The following CACNA1F variants were observed in gnomAD, a reference collection of about 807,000 sequenced individuals.
CACNA1F encodes voltage-dependent L-type calcium channel subunit alpha-1F.
A neutral mutation model predicts 143.8 loss-of-function variants in CACNA1F; 59 were observed. The ratio of observed to expected loss-of-function variants is 0.41; its 90% confidence interval spans 0.33 to 0.51. CACNA1F has a LOEUF of 0.51. Ranked by LOEUF, CACNA1F falls within the 20% of genes least tolerant of loss-of-function variation. The pLI, the probability that CACNA1F is intolerant of heterozygous loss-of-function variation, is 0.22. For synonymous variants in CACNA1F, 643 were observed against 649.1 expected (o/e 0.99, Z 0.14); for missense variants, 1,411 against 1,647.5 (o/e 0.86, Z 2.48).
Position 49,231,004 on chromosome X carries a change from G to T in CACNA1F, c.382-15C>A, listed in dbSNP as rs998869092. On this transcript the variant is annotated splice_polypyrimidine_tract_variant and intron_variant, in intron 3 of 47. Transcript: ENST00000323022. ...TCCACCTGCTCCTGGGGGTGGGACC[G>T]GGGGGCGGGTCGGGAAGTCGAGGAG... The T allele has an allele frequency of 8.8e-7, 1 of 1,131,272 alleles. No homozygotes were observed. The highest frequency in any genetic ancestry group is 1.8e-5 in the South Asian group (1 of 54,103). 93.2% of individuals were successfully genotyped at this position (1,131,272 alleles called of 1,213,427 possible). A position where few individuals can be genotyped will look rare whatever the true frequency, so the allele number is the denominator to read the frequency against.
intron 17 of CACNA1F, chrX:49,222,298 CTT>C: frequency 2.3e-6 from 1 of 426,245 alleles, no homozygotes; most frequent in South Asian, 3.8e-5. Context: ...GGCAAGGACT[CTT>C]GTCTGCCTTG....
In CACNA1F at chrX:49,230,579, G is replaced by A. The variant is rs1557111095; in HGVS notation, c.552C>T (p.Pro184=). 2.6e-6 allele frequency: 3 copies of A among 1,171,542 alleles called. No homozygotes were observed. In the South Asian group the frequency reaches 5.7e-5, roughly 22 times the overall value. ...TGTGCGGGGCGTCGCCTGGCCGTCC[G>A]GGGCCCTGCTCCAGCAGAACGCTGA... is the stretch of plus-strand genomic sequence containing the variant. The part of the protein sequence containing the change: ...GLFSVLLEQG[P]GRPGDAPHTG... The change falls in exon 5 of 48, where the codon CCC becomes CCT. Residue 184 remains proline (P), a synonymous_variant. Transcript: ENST00000323022.
intron 20 of CACNA1F, 23 bp from the exon 21 acceptor site, chrX:49,219,473 G>A (rs1297451469): frequency 2.5e-6 from 3 of 1,202,219 alleles, no homozygotes; most frequent in Non-Finnish European, 3.4e-6. Context: ...AGTGGGCCAT[G>A]GTCAGAACTC....
chrX:49,212,059 T>A, intron 34 of CACNA1F, 70 bp from the exon 35 acceptor site: 1 of 901,347 alleles, frequency 1.1e-6, no homozygotes, highest in Non-Finnish European at 1.6e-6. Flanking sequence ...TCCTAATACC[T>A]AAAGGAGCCT....
chrX:49,227,032 A>G lies in CACNA1F; in HGVS notation c.1214T>C (p.Leu405Pro). 1 of 1,210,610 alleles carries G rather than the reference A, an allele frequency of 8.3e-7. No homozygotes were observed. Among genetic ancestry groups the G allele is most frequent in the Non-Finnish European group, 1.1e-6 (1 of 894,594 alleles). Residue 405 changes from leucine to proline, a missense_variant, in exon 9 of 48, where the codon CTG (leucine) becomes CCG (proline). Coordinates refer to ENST00000323022, the MANE Select transcript of CACNA1F (RefSeq NM_001256789.3). ...CTCTTCGGCTTGAGTGATCCAGTCC[A>G]GGTAGCCCCGCAGGTCTTCCTCCAT... ...QQMEEDLRGY[L>P]DWITQAEELD...
At chrX:49,206,702 C>T in intron 45 of CACNA1F, 26 bp downstream of exon 45, 2 of 1,204,250 alleles carry the variant, frequency 1.7e-6, no homozygotes, top group Non-Finnish European at 2.2e-6. Flanking sequence ...CCCGTGGGGG[C>T]CCCTTGGATC....
At chrX:49,219,528 C>T (rs2065754332) in intron 20 of CACNA1F, 78 bp from the exon 21 acceptor site, 1 of 1,177,180 alleles carries the variant, frequency 8.5e-7, no homozygotes, top group African/African-American at 1.8e-5. Context: ...ACAGTTCTGG[C>T]CCTGACACAA....
At chrX:49,209,828 T>C in intron 40 of CACNA1F, 69 bp from the exon 41 acceptor site, 1 of 1,170,430 alleles carries the variant, frequency 8.5e-7, no homozygotes, top group Non-Finnish European at 1.2e-6. Flanking sequence ...GCCGCCTCTC[T>C]ACCCACCAGC....
chrX:49,205,507 A>T lies in CACNA1F; in HGVS notation c.5670+109T>A, dbSNP rs782723292. ...TGAGCAGAGGTCGTAGGGCAAAGGG[A>T]TATCTACATGCACAACACAGGACCT... On this transcript the variant is annotated intron_variant, in intron 47 of 47. Transcript: ENST00000323022. The T allele has an allele frequency of 4.3e-4, 382 of 878,634 alleles. 1 individual carries two copies. Among genetic ancestry groups the T allele is most frequent in the South Asian group, 1.1e-3 (51 of 46,079 alleles). 72.4% of individuals were successfully genotyped at this position (878,634 alleles called of 1,213,427 possible). A position where few individuals can be genotyped will look rare whatever the true frequency, so the allele number is the denominator to read the frequency against.
At position 49,209,655 on chromosome X, in the gene CACNA1F, C is replaced by T. The variant is rs1569527650; in HGVS notation, c.4795G>A (p.Ala1599Thr). Residue 1599 changes from alanine to threonine, a missense_variant, in exon 41 of 48, where the codon GCC becomes ACC. Physicochemically the swap from Ala to Thr is moderately conservative, Grantham distance 58. Coordinates refer to ENST00000323022, the MANE Select transcript of CACNA1F (RefSeq NM_001256789.3). ...TGAAGGGCGGAAGAGGTGCTAGGGG[C>T]GGCGTCGTTGCCTAGTAGCCCTTTT... ...KEKGLLGNDA[A>T]PSTSSALQAG... 3 of 1,210,716 alleles carry T rather than the reference C, an allele frequency of 2.5e-6. No homozygotes were observed. Among genetic ancestry groups the T allele is most frequent in the East Asian group, 5.9e-5 (2 of 33,809 alleles).
chrX:49,219,073 G>T, intron 21 of CACNA1F, 132 bp from the exon 22 acceptor site: 1 of 626,276 alleles, frequency 1.6e-6, no homozygotes, highest in Non-Finnish European at 2.6e-6. Flanking sequence ...CCAGCTACAT[G>T]GGCGCCTTTG....
At chrX:49,228,575 C>A (rs1001021882) in intron 6 of CACNA1F, 128 bp from the exon 7 acceptor site, 1 of 547,463 alleles carries the variant, frequency 1.8e-6, no homozygotes, top group Non-Finnish European at 3.1e-6. Context: ...TTCTTTCTTT[C>A]TTTTTTTGAG....
Position 49,232,476 on chromosome X carries a change from A to G in CACNA1F, c.26-549T>C, listed in dbSNP as rs920195955. 5.4e-5 allele frequency among the ~76,000 whole-genome samples: 6 copies of G among 111,884 alleles called. No individual in the cohort carries two copies. The East Asian group carries it at 1.1e-3, about 21-fold the overall frequency. ...TAAGATTCCCAGCTTTGGATGAAAC[A>G]AGCTGCCTGAGTTTAAATCCTGACT... On this transcript the variant is annotated intron_variant, in intron 1 of 47. Coordinates refer to ENST00000323022, the MANE Select transcript of CACNA1F (RefSeq NM_001256789.3).
rs2065717675 is a variant in CACNA1F, at chrX:49,216,464, C to T, written c.3154G>A (p.Val1052Ile). The change falls in exon 27 of 48, where the codon GTC becomes ATC. Residue 1052 changes from valine (V) to isoleucine (I), a missense_variant. This residue lies in a region of CACNA1F where 950 missense variants were observed against 1,128.1 expected (regional missense o/e 0.84). Coordinates refer to ENST00000323022, the MANE Select transcript of CACNA1F (RefSeq NM_001256789.3). ...TTGTCAAAGTTGAAATCACTGTTGA[C>T]CCAGAGCCGCTCCCGGACCAGGGGC... ...SRPLVRERLW[V>I]NSDFNFDNVL... The T allele has an allele frequency of 8.3e-7, 1 of 1,205,220 alleles. No individual in the cohort carries two copies. Among genetic ancestry groups the T allele is most frequent in the African/African-American group, 1.7e-5 (1 of 57,151 alleles).
Position 49,230,876 on chromosome X carries a change from T to C in CACNA1F, c.495A>G (p.Leu165=), listed in dbSNP as rs2065870939. 2 of 1,181,471 alleles carry C rather than the reference T, an allele frequency of 1.7e-6. No individual in the cohort carries two copies. The highest frequency in any genetic ancestry group is 1.8e-5 in the African/African-American group (1 of 56,118). Residue 165 remains leucine (L), a synonymous_variant, in exon 4 of 48, where the codon CTA becomes CTG. Transcript: ENST00000323022. ...PSAYIRNGWN[L]LDFIIVVVGL... ...CGACCACGACGATGATGAAGTCGAG[T>C]AGGTTCCAGCCATTGCGGATGTAGG...
intron 31 of CACNA1F, 34 bp from the exon 32 acceptor site, chrX:49,213,028 C>T (rs376291349): frequency 1.5e-5 from 18 of 1,168,990 alleles, no homozygotes; most frequent in Admixed American, 4.5e-5. Context: ...AAAGGTGATA[C>T]AGGAGATGAT....
chrX:49,215,866 A>T (rs2147903918), intron 27 of CACNA1F, among the ~76,000 whole-genome samples: 1 of 107,811 alleles, frequency 9.3e-6, no homozygotes, highest in South Asian at 4.2e-4. Context: ...TTCTCCAACC[A>T]CTTGGAGACC....
rs1449089841 is a variant in CACNA1F at position 49,211,977 on chromosome X, C to T, written c.4021G>A (p.Val1341Met). 1.3e-5 allele frequency: 16 copies of T among 1,207,137 alleles called. No homozygotes were observed. The highest frequency in any genetic ancestry group is 1.7e-5 in the Non-Finnish European group (15 of 892,757). The part of the protein sequence containing the change: ...AVIGMQMFGK[V>M]ALQDGTQINR... ...ATCTGTGTGCCATCCTGAAGAGCCA[C>T]CTTGCCGAACATCTGTGGACACATC... The change falls in exon 35 of 48, where the codon GTG (valine) becomes ATG (methionine). Residue 1341 changes from valine (V) to methionine (M), a missense_variant. Val to Met is a conservative substitution (Grantham distance 21, BLOSUM62 1). This residue lies in a region of CACNA1F where 950 missense variants were observed against 1,128.1 expected (regional missense o/e 0.84). Coordinates refer to ENST00000323022, the MANE Select transcript of CACNA1F (RefSeq NM_001256789.3).
rs1216509019 is a variant in CACNA1F at position 49,221,098 on chromosome X, G to A, written c.2289-18C>T. Reference sequence around the variant, plus strand: ...TCTTCTCCCTGTGCGAGGAAATAGGGGTGATTGCTGCAGATGGGCTAAGGG... The same window carrying A: ...TCTTCTCCCTGTGCGAGGAAATAGGAGTGATTGCTGCAGATGGGCTAAGGG... On this transcript the variant is annotated intron_variant, in intron 17 of 47. Transcript: ENST00000323022. 1.7e-6 allele frequency: 2 copies of A among 1,188,738 alleles called. No homozygotes were observed.
Sources: gnomAD v4.1 joint callset for allele counts (sites outside exome capture counted in the v4.1 genomes callset) on GRCh38, gnomAD v4.1.1 for gene constraint, gnomAD v4.1.1 regional missense constraint, MANE v1.5 for transcripts, NCBI Gene and HGNC (gene_info 2026-07-23, HGNC 2026-07-21) for gene names.